ECHDC2: variants seen among roughly 807,000 people sequenced by gnomAD.
The protein encoded by ECHDC2 is enoyl-CoA hydratase domain-containing protein 2, mitochondrial.
A neutral mutation model predicts 40.6 loss-of-function variants in ECHDC2; 34 were observed. The observed-to-expected ratio is 0.84, with a 90% CI of 0.64 to 1.11. ECHDC2 has a LOEUF of 1.11. Among genes scored for constraint, ECHDC2 ranks in the 50% most tolerant of loss-of-function variants. ECHDC2 has a pLI of 0.00. For missense variants in ECHDC2, 392 were observed against 400.7 expected, an observed-to-expected ratio of 0.98 and a Z score of 0.19; for synonymous variants, 162 against 166.6, an observed-to-expected ratio of 0.97 and a Z score of 0.21.
chr1:52,921,434 G>C, intron 1 of ECHDC2, 119 bp downstream of exon 1: 1 of 1,441,682 alleles, frequency 6.9e-7, no homozygotes, highest in South Asian at 1.5e-5. Context: ...GCCTAGAACT[G>C]GGAGGGAGGG....
At chr1:52,910,189 T>C (rs1571966751) in intron 3 of ECHDC2, among the ~76,000 whole-genome samples, 1 of 151,900 alleles carries the variant, frequency 6.6e-6, no homozygotes, top group Admixed American at 6.6e-5. Flanking sequence ...TGGGAGTCAC[T>C]GTCTGAACAG....
chr1:52,899,294 G>A (rs1375851263), intron 7 of ECHDC2, 70 bp from the exon 8 acceptor site: 8 of 1,486,578 alleles, frequency 5.4e-6, no homozygotes, highest in East Asian at 2.3e-5. Context: ...GAGGTGCACA[G>A]CTTTGTTTTA....
At chr1:52,897,248 G>A in intron 9 of ECHDC2, 189 bp downstream of exon 9, 1 of 633,952 alleles carries the variant, frequency 1.6e-6, no homozygotes, top group Admixed American at 2.5e-5. Flanking sequence ...AGATGGTTGA[G>A]GGAAAAGTCC....
chr1:52,900,574 G>A (rs1313734343), intron 7 of ECHDC2: 1 of 152,144 alleles, frequency 6.6e-6, no homozygotes, highest in African/African-American at 2.4e-5. Context: ...GTAAGCATAT[G>A]TGCATAATAC....
In ECHDC2 at chr1:52,904,730, C is replaced by T; in HGVS notation, c.618G>A (p.Leu206=). The T allele has an allele frequency of 6.2e-7, 1 of 1,612,904 alleles. No individual in the cohort carries two copies. The highest frequency in any genetic ancestry group is 8.5e-7 in the Non-Finnish European group (1 of 1,179,962). The part of the protein sequence containing the change: ...LSGTEAHVLG[L]VNHAVAQNEE... ...CGTTCTGGGCCACAGCGTGATTCAC[C>T]AGCCCCAGTACGTGGGCCTCAGTTC... The change falls in exon 7 of 10, where the codon CTG becomes CTA. Residue 206 remains leucine (L), a synonymous_variant. Coordinates refer to ENST00000371522, the MANE Select transcript of ECHDC2 (RefSeq NM_001198961.2).
At chr1:52,901,607 A>C (rs1480233601) in intron 7 of ECHDC2, 2 of 152,090 alleles carry the variant, frequency 1.3e-5, no homozygotes, top group African/African-American at 4.8e-5. Flanking sequence ...GCCCTCTCCT[A>C]TCCGGAAACC....
intron 7 of ECHDC2, chr1:52,900,050 AT>A: frequency 6.6e-6 from 1 of 152,274 alleles, no homozygotes; most frequent in East Asian, 1.9e-4. Flanking sequence ...AATTTCCTTG[AT>A]TTACAAAAAA....
chr1:52,910,351 C>CTTTTTTT, intron 3 of ECHDC2, among the ~76,000 whole-genome samples: 1 of 36,790 alleles, frequency 2.7e-5, no homozygotes, highest in Non-Finnish European at 4.9e-5. Context: ...ACCACAATTT[C>CTTTTTTT]GTTTTTTTTT....
chr1:52,900,741 G>C (rs1004594274), intron 7 of ECHDC2: 1 of 152,188 alleles, frequency 6.6e-6, no homozygotes, highest in East Asian at 1.9e-4. Flanking sequence ...AACTGGGGTA[G>C]TCACAGGTAA....
intron 1 of ECHDC2, among the ~76,000 whole-genome samples, chr1:52,917,810 G>T (rs1651043403): frequency 6.6e-6 from 1 of 152,150 alleles, no homozygotes; most frequent in South Asian, 2.1e-4. Context: ...CTGGTGGTGA[G>T]GCTGGTGTAA....
intron 4 of ECHDC2, 67 bp from the exon 5 acceptor site, chr1:52,906,678 G>T (rs916453809): frequency 1.9e-5 from 26 of 1,367,098 alleles, no homozygotes; most frequent in Admixed American, 1.4e-4. Context: ...CTCAAGGCTG[G>T]GGAGGGGCAA....
Position 52,921,488 on chromosome 1 carries a change from G to A in ECHDC2, c.121+65C>T, listed in dbSNP as rs779590532. 1.2e-4 allele frequency: 192 copies of A among 1,537,946 alleles called. 1 individual carries two copies. Among genetic ancestry groups the A allele is most frequent in the Non-Finnish European group, 1.5e-4 (173 of 1,146,786 alleles). ...CAACGCACTGAGCGGCCCACCTGCC[G>A]GTCCCCCGCTGCCTCCGGCCTAGTC... On this transcript the variant is annotated intron_variant, in intron 1 of 9. Transcript: ENST00000371522.
At chr1:52,910,676 T>C (rs1284243632) in intron 3 of ECHDC2, among the ~76,000 whole-genome samples, 1 of 152,062 alleles carries the variant, frequency 6.6e-6, no homozygotes, top group African/African-American at 2.4e-5. Flanking sequence ...GCCCACAATT[T>C]CTAAAATATG....
chr1:52,918,287 C>T (rs7518004), intron 1 of ECHDC2, among the ~76,000 whole-genome samples: 3 of 151,360 alleles, frequency 2.0e-5, no homozygotes, highest in East Asian at 3.9e-4. Context: ...ACCCTCTCAA[C>T]GTGCTGGGAT....
intron 1 of ECHDC2, among the ~76,000 whole-genome samples, chr1:52,921,192 G>A (rs891033796): frequency 1.3e-5 from 2 of 152,202 alleles, no homozygotes; most frequent in African/African-American, 2.4e-5. Context: ...CTCCGCCCCC[G>A]AACCGGGCCA....
intron 1 of ECHDC2, 139 bp downstream of exon 1, chr1:52,921,413 CG>C: frequency 7.0e-7 from 1 of 1,420,004 alleles, no homozygotes; most frequent in Non-Finnish European, 9.2e-7. Flanking sequence ...AGGCCTGGAG[CG>C]GTTTGGGGCG....
At position 52,906,600 on chromosome 1, in the gene ECHDC2, C is replaced by T. The variant is rs1228474201; in HGVS notation, c.376G>A (p.Ala126Thr). ...GLMNDIAAFP[A>T]PTIAAMDGFA... ...CCATCCATAGCCGCAATGGTGGGTGCAGGGAAGGCTGCTGTGGAGAGGAAG... is the reference window on the plus strand; with the variant it reads ...CCATCCATAGCCGCAATGGTGGGTGTAGGGAAGGCTGCTGTGGAGAGGAAG... The change falls in exon 5 of 10, where the codon GCA becomes ACA. Residue 126 changes from alanine (A) to threonine (T), a missense_variant. Coordinates refer to ENST00000371522, the MANE Select transcript of ECHDC2 (RefSeq NM_001198961.2). The T allele has an allele frequency of 3.7e-6, 6 of 1,610,236 alleles. No individual in the cohort carries two copies. Among genetic ancestry groups the T allele is most frequent in the Admixed American group, 1.7e-5 (1 of 59,852 alleles).
chr1:52,897,539 A>G (rs1646715049), intron 8 of ECHDC2, 55 bp from the exon 9 acceptor site: 1 of 1,583,864 alleles, frequency 6.3e-7, no homozygotes, highest in Admixed American at 1.7e-5. Flanking sequence ...CTTCACCCAC[A>G]CTGGAAGCCA....
intron 1 of ECHDC2, among the ~76,000 whole-genome samples, chr1:52,919,883 T>C (rs1002907485): frequency 6.6e-6 from 1 of 152,240 alleles, no homozygotes; most frequent in Non-Finnish European, 1.5e-5. Context: ...AATCTGCTGA[T>C]CCTTGTCATT....
Sources: gnomAD v4.1 joint callset for allele counts (sites outside exome capture counted in the v4.1 genomes callset) on GRCh38, gnomAD v4.1.1 for gene constraint, MANE v1.5 for transcripts, NCBI Gene and HGNC (gene_info 2026-07-23, HGNC 2026-07-21) for gene names.